The following THSD7B variants were observed in gnomAD, a reference collection of about 807,000 sequenced individuals.
THSD7B encodes thrombospondin type-1 domain-containing protein 7B.
In THSD7B, 138 loss-of-function variants were observed where a neutral mutation model predicts 213.6. The ratio of observed to expected loss-of-function variants is 0.65; its 90% CI spans 0.56 to 0.74. The LOEUF (loss-of-function observed/expected upper bound fraction) is 0.74. Ranked by LOEUF, THSD7B falls within the 30% of genes least tolerant of loss-of-function variation. THSD7B has a pLI of 0.00. For missense variants in THSD7B, 1,931 were observed against 1,991.5 expected, an observed-to-expected ratio of 0.97 and a Z score of 0.58; for synonymous variants, 742 against 687.0, an observed-to-expected ratio of 1.08 and a Z score of -1.25.
chr2:137,232,093 A>G (rs1191300049), intron 8 of THSD7B, among the ~76,000 whole-genome samples: 1 of 152,202 alleles, frequency 6.6e-6, no homozygotes, highest in Admixed American at 6.5e-5. Context: ...AAAATCAAGA[A>G]TAACAAAACC....
intron 1 of THSD7B, among the ~76,000 whole-genome samples, chr2:136,857,695 T>C (rs1683197254): frequency 6.6e-6 from 1 of 152,226 alleles, no homozygotes; most frequent in Non-Finnish European, 1.5e-5. Flanking sequence ...GAATTATGTG[T>C]ATCTGAAGTA....
chr2:136,991,264 G>T (rs557535846), intron 2 of THSD7B, among the ~76,000 whole-genome samples: 1 of 152,114 alleles, frequency 6.6e-6, no homozygotes, highest in African/African-American at 2.4e-5. Context: ...CAGAGAGAAC[G>T]CATGCAAAAT....
At position 137,101,173 on chromosome 2, in the gene THSD7B, G is replaced by C. The variant is rs1216176799; in HGVS notation, c.1199+6052G>C. On this transcript the variant is annotated intron_variant, in intron 4 of 27. Transcript: ENST00000409968. ...CCACCTCAGCCTCCCAAGTAGCTGG[G>C]ATTACAGGCATGTGCCACCATGCCT... Among the ~76,000 whole-genome samples, 3 of 152,102 alleles carry C rather than the reference G, an allele frequency of 2.0e-5. No homozygotes were observed. In the East Asian group the frequency reaches 5.8e-4, roughly 29 times the overall value.
At chr2:136,979,307 C>T (rs771952860) in intron 2 of THSD7B, among the ~76,000 whole-genome samples, 11 of 151,890 alleles carry the variant, frequency 7.2e-5, no homozygotes, top group Non-Finnish European at 5.9e-5. Context: ...TACTGTGGTT[C>T]TCTGGATTTC....
chr2:137,492,681 T>G (rs563692952), intron 15 of THSD7B, among the ~76,000 whole-genome samples: 153 of 152,284 alleles, frequency 1.0e-3, no homozygotes, highest in African/African-American at 3.5e-3. Flanking sequence ...ATGGTTACTT[T>G]TTAGGAATTC....
At chr2:137,511,291 C>T (rs1007178213) in intron 15 of THSD7B, among the ~76,000 whole-genome samples, 1 of 152,206 alleles carries the variant, frequency 6.6e-6, no homozygotes, top group Admixed American at 6.5e-5. Flanking sequence ...AGTCCACACA[C>T]TCCTAGTCAA....
At chr2:137,525,097 C>T (rs192237548) in intron 15 of THSD7B, among the ~76,000 whole-genome samples, 93 of 152,158 alleles carry the variant, frequency 6.1e-4, no homozygotes, top group Admixed American at 1.2e-3. Flanking sequence ...ACATTTAGTT[C>T]AAAATAAATA....
intron 12 of THSD7B, among the ~76,000 whole-genome samples, chr2:137,370,229 TTA>T (rs1685512492): frequency 6.6e-6 from 1 of 152,160 alleles, no homozygotes; most frequent in Admixed American, 6.6e-5. Context: ...TTAATCTGTT[TTA>T]TTCACTCATT....
intron 3 of THSD7B, among the ~76,000 whole-genome samples, chr2:137,077,073 G>C (rs1687641953): frequency 6.8e-6 from 1 of 147,890 alleles, no homozygotes; most frequent in African/African-American, 2.5e-5. Flanking sequence ...AGAACATGCA[G>C]TGTTTGGTTT....
intron 1 of THSD7B, among the ~76,000 whole-genome samples, chr2:136,876,147 A>G (rs1683523901): frequency 6.6e-6 from 1 of 152,212 alleles, no homozygotes; most frequent in African/African-American, 2.4e-5. Context: ...CCTGCTAGCT[A>G]TTACTTTATT....
chr2:137,468,136 T>C (rs1688027552), intron 15 of THSD7B, among the ~76,000 whole-genome samples: 1 of 152,172 alleles, frequency 6.6e-6, no homozygotes, highest in South Asian at 2.1e-4. Context: ...TAGTAATGCT[T>C]GTAACAATAG....
At chr2:137,476,154 T>C (rs532024457) in intron 15 of THSD7B, among the ~76,000 whole-genome samples, 18 of 152,234 alleles carry the variant, frequency 1.2e-4, no homozygotes, top group Non-Finnish European at 2.2e-4. Flanking sequence ...TTAATGTGAC[T>C]ATTTTCATTT....
intron 4 of THSD7B, among the ~76,000 whole-genome samples, chr2:137,101,805 G>A (rs550520191): frequency 1.8e-4 from 27 of 152,292 alleles, no homozygotes; most frequent in Admixed American, 5.2e-4. Context: ...CCACCACCGC[G>A]CCACAAAGCT....
intron 12 of THSD7B, among the ~76,000 whole-genome samples, chr2:137,351,022 T>C (rs1186130684): frequency 1.3e-5 from 2 of 151,250 alleles, no homozygotes; most frequent in Non-Finnish European, 3.0e-5. Flanking sequence ...GGTAGACAAC[T>C]GGAGCTAAGT....
intron 20 of THSD7B, among the ~76,000 whole-genome samples, chr2:137,627,645 C>T (rs969272905): frequency 9.2e-5 from 14 of 152,178 alleles, no homozygotes; most frequent in African/African-American, 3.4e-4. Flanking sequence ...CATCTGTGAA[C>T]TCAACTGTAA....
At chr2:137,533,571 T>G (rs1160686697) in intron 15 of THSD7B, among the ~76,000 whole-genome samples, 2 of 151,978 alleles carry the variant, frequency 1.3e-5, no homozygotes, top group Non-Finnish European at 2.9e-5. Context: ...CTTCCATTCT[T>G]ACATAGGCTT....
intron 1 of THSD7B, among the ~76,000 whole-genome samples, chr2:136,819,687 C>G (rs1359249151): frequency 6.9e-6 from 1 of 144,006 alleles, no homozygotes; most frequent in Non-Finnish European, 1.5e-5. Context: ...CTTGCTTATG[C>G]CCCCCCCAGT....
intron 1 of THSD7B, among the ~76,000 whole-genome samples, chr2:136,798,789 G>T (rs1682117474): frequency 6.6e-6 from 1 of 151,980 alleles, no homozygotes; most frequent in African/African-American, 2.4e-5. Context: ...CCATTTGTCT[G>T]CAGTTTACCC....
At chr2:137,315,260 A>C (rs1684061029) in intron 12 of THSD7B, among the ~76,000 whole-genome samples, 1 of 152,094 alleles carries the variant, frequency 6.6e-6, no homozygotes, top group African/African-American at 2.4e-5. Flanking sequence ...GGTGGGAGTG[A>C]CCCGATTTTC....
Sources: allele counts gnomAD v4.1 joint callset (sites outside exome capture counted in the v4.1 genomes callset), GRCh38; gene constraint gnomAD v4.1.1; transcripts MANE v1.5; gene names NCBI Gene and HGNC (gene_info 2026-07-23, HGNC 2026-07-21).